The following FSIP1 variants were observed in gnomAD, a reference collection of about 807,000 sequenced individuals.
FSIP1 encodes fibrous sheath interacting protein 1, also known as fibrous sheath-interacting protein 1.
FSIP1 carries 65 observed loss-of-function variants against 60.9 expected under a neutral mutation model. The ratio of observed to expected loss-of-function variants is 1.07; its 90% confidence interval spans 0.87 to 1.31. The LOEUF (loss-of-function observed/expected upper bound fraction) is 1.31, where lower values mean the gene tolerates loss of function less well. Among genes scored for constraint, FSIP1 ranks in the 40% most tolerant of loss-of-function variants. FSIP1 has a pLI of 0.00. For missense variants in FSIP1, 675 were observed against 665.5 expected, an observed-to-expected ratio of 1.01 and a Z score of -0.16; for synonymous variants, 209 against 221.2, an observed-to-expected ratio of 0.94 and a Z score of 0.49.
chr15:39,621,465 T>C (rs8034594), intron 10 of FSIP1, among the ~76,000 whole-genome samples: 59,549 of 151,588 alleles, frequency 0.39, 13,546 homozygotes, highest in African/African-American at 0.65. Flanking sequence ...CCTGGGCTTC[T>C]ATCCAAGCTT....
chr15:39,753,696 G>C (rs1010395881), intron 5 of FSIP1, among the ~76,000 whole-genome samples: 3 of 151,612 alleles, frequency 2.0e-5, no homozygotes, highest in African/African-American at 7.3e-5. Context: ...ACAGCTCTCA[G>C]CATAGGAATA....
intron 9 of FSIP1, among the ~76,000 whole-genome samples, chr15:39,714,639 G>A (rs767124932): frequency 1.6e-4 from 24 of 151,260 alleles, no homozygotes; most frequent in Non-Finnish European, 2.5e-4. Context: ...GAAAAAATCC[G>A]AAGGACCAGC....
intron 5 of FSIP1, among the ~76,000 whole-genome samples, chr15:39,743,165 G>A (rs1595685255): frequency 6.6e-6 from 1 of 152,104 alleles, no homozygotes; most frequent in Admixed American, 6.6e-5. Context: ...TAAAACACCT[G>A]TAAAGACACA....
chr15:39,721,963 G>A (rs1895999255), intron 9 of FSIP1, among the ~76,000 whole-genome samples: 1 of 152,162 alleles, frequency 6.6e-6, no homozygotes, highest in Non-Finnish European at 1.5e-5. Context: ...CTGTAGGTCA[G>A]GGGCTCCTGA....
At position 39,770,565 on chromosome 15, in the gene FSIP1, C is replaced by T. The variant is rs1001075268; in HGVS notation, c.172G>A (p.Glu58Lys). 1.0e-5 allele frequency: 16 copies of T among 1,591,618 alleles called. No homozygotes were observed. Among genetic ancestry groups the T allele is most frequent in the Admixed American group, 9.2e-5 (5 of 54,604 alleles). ...CTTCTGTTCTCTGTATTACTGCTTT[C>T]GGAGTGGTCCTCTTTACCAGAGTTC... Reference protein sequence around the residue: ...NLNSGKEDHSESSNTENRRTS... With the variant: ...NLNSGKEDHSKSSNTENRRTS... The change falls in exon 3 of 12, where the codon GAA becomes AAA. Residue 58 changes from glutamate (E) to lysine (K), a missense_variant. Coordinates refer to ENST00000350221, the MANE Select transcript of FSIP1 (RefSeq NM_152597.5).
At chr15:39,662,218 A>C (rs1228810632) in intron 10 of FSIP1, among the ~76,000 whole-genome samples, 1 of 152,168 alleles carries the variant, frequency 6.6e-6, no homozygotes, top group African/African-American at 2.4e-5. Flanking sequence ...GCAAAAAACT[A>C]GGCAAGTTGT....
intron 10 of FSIP1, among the ~76,000 whole-genome samples, chr15:39,640,808 T>C (rs1413914977): frequency 6.6e-6 from 1 of 152,052 alleles, no homozygotes; most frequent in Non-Finnish European, 1.5e-5. Context: ...GGTCAGTGTA[T>C]ATGCCTTATT....
In FSIP1 at chr15:39,738,110, G is replaced by A. The variant is rs756562392; in HGVS notation, c.872C>T (p.Ser291Phe). 1.9e-6 allele frequency: 3 copies of A among 1,610,846 alleles called. No homozygotes were observed. The South Asian group carries it at 3.3e-5, about 18-fold the overall frequency. Reference sequence around the variant, plus strand: ...ACGTACCTCAGAACTGGAGAGCCCGGAATCTTTCTCATCCAAGTCCTTCAA... The same window carrying A: ...ACGTACCTCAGAACTGGAGAGCCCGAAATCTTTCTCATCCAAGTCCTTCAA... ...ELLKDLDEKD[S>F]GLSSSEGDQS... Residue 291 changes from serine to phenylalanine, a missense_variant, in exon 8 of 12, where the codon TCC becomes TTC. Ser to Phe is a radical substitution (Grantham distance 155). Coordinates refer to ENST00000350221, the MANE Select transcript of FSIP1 (RefSeq NM_152597.5).
chr15:39,665,967 T>C (rs1375232886), intron 10 of FSIP1, among the ~76,000 whole-genome samples: 1 of 152,214 alleles, frequency 6.6e-6, no homozygotes, highest in East Asian at 1.9e-4. Flanking sequence ...GAGATTATAT[T>C]CACAATGTGG....
intron 10 of FSIP1, among the ~76,000 whole-genome samples, chr15:39,649,339 AATATATTTTAG>A (rs1892768482): frequency 6.6e-6 from 1 of 152,218 alleles, no homozygotes; most frequent in Non-Finnish European, 1.5e-5. Flanking sequence ...ATAAGGGTCA[AATATATTTTAG>A]TCATAAAGAC....
intron 10 of FSIP1, among the ~76,000 whole-genome samples, chr15:39,621,737 C>A (rs1891447933): frequency 6.6e-6 from 1 of 152,192 alleles, no homozygotes; most frequent in Non-Finnish European, 1.5e-5. Context: ...CAATCCCGAA[C>A]TCTTATAAAA....
At chr15:39,693,250 C>T (rs973938826) in intron 10 of FSIP1, among the ~76,000 whole-genome samples, 1 of 152,180 alleles carries the variant, frequency 6.6e-6, no homozygotes, top group Non-Finnish European at 1.5e-5. Flanking sequence ...CTTTGAGCTC[C>T]GTGACTTCCA....
At chr15:39,719,560 C>T (rs945330425) in intron 9 of FSIP1, among the ~76,000 whole-genome samples, 1 of 152,176 alleles carries the variant, frequency 6.6e-6, no homozygotes, top group Admixed American at 6.5e-5. Flanking sequence ...CCCGCAGCTT[C>T]GTAAGTTATC....
At chr15:39,737,503 C>T (rs563971612) in intron 8 of FSIP1, among the ~76,000 whole-genome samples, 1 of 152,132 alleles carries the variant, frequency 6.6e-6, no homozygotes, top group South Asian at 2.1e-4. Flanking sequence ...CATATGTCAT[C>T]AGTAATAAGC....
intron 11 of FSIP1, among the ~76,000 whole-genome samples, chr15:39,613,011 AT>A (rs967258576): frequency 6.6e-6 from 1 of 152,092 alleles, no homozygotes; most frequent in African/African-American, 2.4e-5. Context: ...AAAGAAAAAA[AT>A]ATCAGAATAT....
At position 39,745,771 on chromosome 15, in the gene FSIP1, ATT is replaced by A. The variant is rs926087414; in HGVS notation, c.560-3873_560-3872del. 2.0e-5 allele frequency among the ~76,000 whole-genome samples: 3 copies of A among 151,182 alleles called. No homozygotes were observed. The South Asian group carries it at 6.3e-4, about 32-fold the overall frequency. Reference sequence around the variant, plus strand: ...AGACAGTGGCCCTAGCTGGGAATCCATTTTTTTTTCATCAATGTTATAATAAA... The same window carrying A: ...AGACAGTGGCCCTAGCTGGGAATCCATTTTTTTCATCAATGTTATAATAAA... On this transcript the variant is annotated intron_variant, in intron 5 of 11. Transcript: ENST00000350221.
chr15:39,734,798 C>T (rs1896546038), intron 8 of FSIP1, among the ~76,000 whole-genome samples: 1 of 151,880 alleles, frequency 6.6e-6, no homozygotes, highest in African/African-American at 2.4e-5. Context: ...ATTAAATATG[C>T]TCATATTGAT....
chr15:39,770,320 A>G (rs1463448908), intron 3 of FSIP1, 107 bp downstream of exon 3: 1 of 793,852 alleles, frequency 1.3e-6, no homozygotes, highest in Non-Finnish European at 1.8e-6. Context: ...TATTATTTAT[A>G]TTTAGTTGAT....
At chr15:39,743,197 TG>T (rs1470462572) in intron 5 of FSIP1, among the ~76,000 whole-genome samples, 1 of 152,208 alleles carries the variant, frequency 6.6e-6, no homozygotes, top group African/African-American at 2.4e-5. Flanking sequence ...ATTTACAATA[TG>T]GAAAACCCTC....
Sources: allele counts gnomAD v4.1 joint callset (sites outside exome capture counted in the v4.1 genomes callset), GRCh38; gene constraint gnomAD v4.1.1; transcripts MANE v1.5; gene names NCBI Gene and HGNC (gene_info 2026-07-23, HGNC 2026-07-21).